LPGAT1: variants seen among roughly 807,000 people sequenced by gnomAD.
The protein encoded by LPGAT1 is acyl-CoA:lysophosphatidylglycerol acyltransferase 1.
A neutral mutation model predicts 47.5 loss-of-function variants in LPGAT1; 11 were observed. The ratio of observed to expected loss-of-function variants is 0.23; its 90% CI spans 0.15 to 0.38. The LOEUF is 0.38. Among genes scored for constraint, LPGAT1 ranks in the 10% least tolerant of loss-of-function variants. LPGAT1 has a pLI of 1.00. For synonymous variants in LPGAT1, 138 were observed against 144.2 expected, an observed-to-expected ratio of 0.96 and a Z score of 0.31; for missense variants, 293 against 439.0, an observed-to-expected ratio of 0.67 and a Z score of 2.97.
chr1:211,807,603 G>A (rs951321215), intron 2 of LPGAT1, among the ~76,000 whole-genome samples: 4 of 152,146 alleles, frequency 2.6e-5, no homozygotes, highest in South Asian at 2.1e-4. Context: ...AATAGACTAC[G>A]TAAGTATGGT....
At chr1:211,822,113 TA>T (rs1660384746) in intron 2 of LPGAT1, among the ~76,000 whole-genome samples, 1 of 152,182 alleles carries the variant, frequency 6.6e-6, no homozygotes, top group Non-Finnish European at 1.5e-5. Context: ...CATGCAAATG[TA>T]AACAAAAATA....
At chr1:211,820,962 C>T (rs184204526) in intron 2 of LPGAT1, among the ~76,000 whole-genome samples, 319 of 152,038 alleles carry the variant, frequency 2.1e-3, no homozygotes, top group Middle Eastern at 6.8e-3. Context: ...GGCAAAAAGA[C>T]CAAGTCAATA....
intron 6 of LPGAT1, among the ~76,000 whole-genome samples, chr1:211,754,471 C>T (rs528747342): frequency 6.6e-6 from 1 of 152,232 alleles, no homozygotes; most frequent in South Asian, 2.1e-4. Flanking sequence ...TGGGTTTACA[C>T]CTTTAAAAAC....
chr1:211,828,475 A>G (rs6702617), intron 2 of LPGAT1, among the ~76,000 whole-genome samples: 56,213 of 152,098 alleles, frequency 0.37, 12,012 homozygotes, highest in East Asian at 0.75. Flanking sequence ...CTCAGAAGAT[A>G]AATTAGCTTA....
chr1:211,780,356 C>A (rs1445107582), intron 5 of LPGAT1, among the ~76,000 whole-genome samples: 1 of 152,144 alleles, frequency 6.6e-6, no homozygotes, highest in East Asian at 1.9e-4. Context: ...ATCCTTTGCA[C>A]ACTGTTTTTA....
intron 6 of LPGAT1, among the ~76,000 whole-genome samples, chr1:211,761,637 A>G (rs1361136050): frequency 6.6e-6 from 1 of 152,230 alleles, no homozygotes; most frequent in African/African-American, 2.4e-5. Flanking sequence ...GTGAGCTAAT[A>G]AATTCCCTTA....
chr1:211,794,495 A>G (rs978048715), intron 2 of LPGAT1, among the ~76,000 whole-genome samples: 1 of 152,050 alleles, frequency 6.6e-6, no homozygotes, highest in Non-Finnish European at 1.5e-5. Context: ...TTGTAGACAC[A>G]GGGTTTTGCC....
rs142617765 is a variant in LPGAT1, at chr1:211,806,505, C to T, written c.239-13315G>A. ...CAGACACAAAGATGGGAATGGTAGA[C>T]ACTGAGGACTCCAAAAAGGGATGGG... On this transcript the variant is annotated intron_variant, in intron 2 of 7. Transcript: ENST00000366997. Among the ~76,000 whole-genome samples the T allele has an allele frequency of 5.4e-4, 82 of 152,092 alleles. No individual in the cohort carries two copies. In the East Asian group the frequency reaches 0.015, roughly 28 times the overall value.
At chr1:211,767,362 C>T (rs1214962942) in intron 6 of LPGAT1, among the ~76,000 whole-genome samples, 1 of 152,150 alleles carries the variant, frequency 6.6e-6, no homozygotes, top group Non-Finnish European at 1.5e-5. Flanking sequence ...TCTCGAACTC[C>T]TGACCTCAAG....
chr1:211,793,122 C>T lies in LPGAT1; in HGVS notation c.307G>A (p.Ala103Thr). 2 of 1,609,320 alleles carry T rather than the reference C, an allele frequency of 1.2e-6. No homozygotes were observed. Among genetic ancestry groups the T allele is most frequent in the African/African-American group, 1.3e-5 (1 of 74,572 alleles). Residue 103 changes from alanine to threonine, a missense_variant, in exon 3 of 8, where the codon GCA becomes ACA. Physicochemically the swap from Ala to Thr is moderately conservative, Grantham distance 58. Transcript: ENST00000366997. ...ATCAGTGTGCACACATCTCCTGTTG[C>T]CTGATGATTCACCAACATCACTGCT... ...DEAVMLVNHQ[A>T]TGDVCTLMMC...
At chr1:211,755,011 C>G (rs1357105181) in intron 6 of LPGAT1, among the ~76,000 whole-genome samples, 1 of 139,528 alleles carries the variant, frequency 7.2e-6, no homozygotes, top group African/African-American at 2.8e-5. Context: ...AAGACTCAGT[C>G]TCGAAGCGAC....
At chr1:211,773,030 G>T (rs954051806) in intron 6 of LPGAT1, among the ~76,000 whole-genome samples, 8 of 152,088 alleles carry the variant, frequency 5.3e-5, no homozygotes, top group African/African-American at 1.9e-4. Context: ...TTCTCACTGT[G>T]CAGATGTAAT....
chr1:211,821,903 CAT>C (rs756064172), intron 2 of LPGAT1, among the ~76,000 whole-genome samples: 3 of 152,022 alleles, frequency 2.0e-5, no homozygotes, highest in Non-Finnish European at 4.4e-5. Flanking sequence ...AAATAGAAAA[CAT>C]AAAATACAAT....
At chr1:211,760,543 A>G (rs958119972) in intron 6 of LPGAT1, among the ~76,000 whole-genome samples, 1 of 139,614 alleles carries the variant, frequency 7.2e-6, no homozygotes, top group Non-Finnish European at 1.6e-5. Context: ...GAATCATAAG[A>G]TAAGTATCTA....
At chr1:211,790,324 C>T (rs1430626336) in intron 3 of LPGAT1, among the ~76,000 whole-genome samples, 1 of 152,072 alleles carries the variant, frequency 6.6e-6, no homozygotes, top group Non-Finnish European at 1.5e-5. Flanking sequence ...AACAGTACTC[C>T]CACTGAGAAA....
rs923301456 is a variant in LPGAT1, at chr1:211,824,993, GC to G, written c.238+4065del. ...GTAATCTCCATCAGCTTTCCCTAAA[GC>G]CCCCCCCAAATAATGCCCCAATTTA... On this transcript the variant is annotated intron_variant, in intron 2 of 7. Transcript: ENST00000366997. Among the ~76,000 whole-genome samples the G allele has an allele frequency of 2.8e-4, 43 of 151,758 alleles. 1 individual carries two copies. The highest frequency in any genetic ancestry group is 1.7e-3 in the South Asian group (8 of 4,804).
At chr1:211,776,026 T>C (rs987310822) in intron 6 of LPGAT1, among the ~76,000 whole-genome samples, 7 of 151,636 alleles carry the variant, frequency 4.6e-5, no homozygotes, top group African/African-American at 1.7e-4. Flanking sequence ...GTGGTACTAA[T>C]GTTCTAGGAC....
intron 2 of LPGAT1, among the ~76,000 whole-genome samples, chr1:211,825,853 AG>A (rs1445649208): frequency 6.6e-6 from 1 of 152,080 alleles, no homozygotes; most frequent in Non-Finnish European, 1.5e-5. Context: ...CCAGCTACTC[AG>A]GAGGCTGAGG....
chr1:211,829,415 A>C, intron 1 of LPGAT1, 92 bp from the exon 2 acceptor site: 2 of 1,528,848 alleles, frequency 1.3e-6, no homozygotes, highest in Non-Finnish European at 1.7e-6. Context: ...GCACAAAATA[A>C]AACAGCGAGG....
Sources: allele counts gnomAD v4.1 joint callset (sites outside exome capture counted in the v4.1 genomes callset), GRCh38; gene constraint gnomAD v4.1.1; transcripts MANE v1.5; gene names NCBI Gene and HGNC (gene_info 2026-07-23, HGNC 2026-07-21).